The following METTL8 variants were observed in gnomAD, a reference collection of about 807,000 sequenced individuals.
The protein encoded by METTL8 is methyltransferase 8, tRNA N3-cytidine.
Under a neutral mutation model 48.7 loss-of-function variants are expected in METTL8, and 32 were observed. The ratio of observed to expected loss-of-function variants is 0.66; its 90% CI spans 0.50 to 0.88. The LOEUF is 0.88. Among genes scored for constraint, METTL8 ranks in the 40% least tolerant of loss-of-function variants. METTL8 has a pLI of 0.00. For missense variants in METTL8, 464 were observed against 474.4 expected (o/e 0.98, Z 0.20); for synonymous variants, 136 against 157.1 (o/e 0.87, Z 1.01).
intron 5 of METTL8, 41 bp from the exon 6 acceptor site, chr2:171,331,908 C>T: frequency 6.9e-7 from 1 of 1,458,072 alleles, no homozygotes. Flanking sequence ...TTTTTGGAGA[C>T]AGGGTCTTGC....
chr2:171,361,229 T>C (rs1685132449), intron 2 of METTL8, among the ~76,000 whole-genome samples: 1 of 149,472 alleles, frequency 6.7e-6, no homozygotes, highest in Non-Finnish European at 1.5e-5. Context: ...TAATTTTTTT[T>C]AAGTTTTGTT....
intron 2 of METTL8, among the ~76,000 whole-genome samples, chr2:171,386,744 G>A (rs1035204846): frequency 3.9e-5 from 6 of 152,150 alleles, no homozygotes; most frequent in Admixed American, 3.9e-4. Flanking sequence ...ATGAACCTAG[G>A]TGAGGACAGG....
At chr2:171,374,813 T>C in intron 2 of METTL8, 1 of 662,716 alleles carries the variant, frequency 1.5e-6, no homozygotes, top group Admixed American at 2.4e-5. Flanking sequence ...TTCATCCATG[T>C]TGTATATGTT....
Position 171,425,875 on chromosome 2 carries a change from G to C in METTL8, c.-13+8008C>G, listed in dbSNP as rs111272150. On this transcript the variant is annotated intron_variant, in intron 1 of 9. Coordinates refer to ENST00000375258, the MANE Select transcript of METTL8 (RefSeq NM_001321154.2). ...TTTCCTAGAAATAAAAAACCTGAAA[G>C]AGGCCAGGTGTGGTGGCTCACGCCT... Among the ~76,000 whole-genome samples the C allele has an allele frequency of 3.3e-3, 503 of 152,230 alleles. 1 individual carries two copies. The highest frequency in any genetic ancestry group is 0.011 in the African/African-American group (461 of 41,550).
chr2:171,356,002 T>G (rs1446463231), intron 3 of METTL8, among the ~76,000 whole-genome samples: 1 of 152,162 alleles, frequency 6.6e-6, no homozygotes, highest in Non-Finnish European at 1.5e-5. Context: ...CAAGCCCCAG[T>G]GAGATGAACC....
At chr2:171,428,807 A>G (rs1692677475) in intron 1 of METTL8, among the ~76,000 whole-genome samples, 1 of 152,196 alleles carries the variant, frequency 6.6e-6, no homozygotes, top group Non-Finnish European at 1.5e-5. Flanking sequence ...AGATCAACTG[A>G]TAAGAGGAGA....
chr2:171,347,265 A>G (rs1575783256), intron 3 of METTL8, among the ~76,000 whole-genome samples: 2 of 152,056 alleles, frequency 1.3e-5, no homozygotes, highest in Admixed American at 1.3e-4. Flanking sequence ...GGTATCATCA[A>G]CCCTCTCCTG....
At chr2:171,380,247 C>T (rs1223908292) in intron 2 of METTL8, among the ~76,000 whole-genome samples, 1 of 152,138 alleles carries the variant, frequency 6.6e-6, no homozygotes, top group Non-Finnish European at 1.5e-5. Flanking sequence ...TGGAACATAT[C>T]TCAAAATAAT....
chr2:171,332,539 C>G (rs2105401593), intron 5 of METTL8: 1 of 152,486 alleles, frequency 6.6e-6, no homozygotes, highest in South Asian at 2.1e-4. Flanking sequence ...ATGGCTGGAC[C>G]ATGGTTACTT....
Position 171,418,508 on chromosome 2 carries a change from G to GGGTGC in METTL8, c.-13+15374_-13+15375insGCACC, listed in dbSNP as rs1414376367. ...ATATTTGGAATTCTTTTGCATGGAC[G>GGGTGC]ATTTGTCTCTTCTCTCCCATTCATT... On this transcript the variant is annotated intron_variant, in intron 1 of 9. Coordinates refer to ENST00000375258, the MANE Select transcript of METTL8 (RefSeq NM_001321154.2). 1.4e-3 allele frequency among the ~76,000 whole-genome samples: 220 copies of GGGTGC among 152,222 alleles called. 3 individuals carry two copies. The East Asian group carries it at 0.016, about 11-fold the overall frequency.
chr2:171,396,562 G>A (rs189773464), intron 1 of METTL8, among the ~76,000 whole-genome samples: 8 of 152,080 alleles, frequency 5.3e-5, no homozygotes, highest in Admixed American at 5.2e-4. Context: ...TTTCTAATAG[G>A]CAGCATATTG....
At chr2:171,398,636 A>G (rs1689350413) in intron 1 of METTL8, among the ~76,000 whole-genome samples, 2 of 152,170 alleles carry the variant, frequency 1.3e-5, no homozygotes, top group South Asian at 4.1e-4. Flanking sequence ...CAATACGAGG[A>G]CTACAGTTAA....
intron 3 of METTL8, among the ~76,000 whole-genome samples, chr2:171,356,300 C>A (rs534834350): frequency 6.6e-6 from 1 of 152,082 alleles, no homozygotes; most frequent in African/African-American, 2.4e-5. Flanking sequence ...CCACCAGACC[C>A]GGCTAATTTT....
At position 171,339,540 on chromosome 2, in the gene METTL8, C is replaced by T; in HGVS notation, c.250G>A (p.Glu84Lys). 6.6e-7 allele frequency: 1 copy of T among 1,511,898 alleles called. No individual in the cohort carries two copies. 93.7% of individuals were successfully genotyped at this position (1,511,898 alleles called of 1,614,324 possible). ...AATGTGTCCCAGTATTTACTAGCTT[C>T]TCTCTCATACTTAACTAAAATAAAG... ...LLEEQVKYER[E>K]ASKYWDTFYK... The change falls in exon 4 of 10, where the codon GAA (glutamate) becomes AAA (lysine). Residue 84 changes from glutamate (E) to lysine (K), a missense_variant. By Grantham distance (56) the Glu-to-Lys change is moderately conservative. Transcript: ENST00000375258.
Position 171,339,426 on chromosome 2 carries a change from C to T in METTL8, c.364G>A (p.Glu122Lys), listed in dbSNP as rs1229764801. ...PEILPVDQKP[E>K]EKARESSWDH... ...CATGATGATTCTCTCGCCTTCTCTTCAGGTTTTTGATCAACTGGAAGAATT... is the reference window on the plus strand; with the variant it reads ...CATGATGATTCTCTCGCCTTCTCTTTAGGTTTTTGATCAACTGGAAGAATT... The change falls in exon 4 of 10, where the codon GAA becomes AAA. Residue 122 changes from glutamate (E) to lysine (K), a missense_variant. Coordinates refer to ENST00000375258, the MANE Select transcript of METTL8 (RefSeq NM_001321154.2). 1.2e-6 allele frequency: 2 copies of T among 1,613,522 alleles called. No individual in the cohort carries two copies. Among genetic ancestry groups the T allele is most frequent in the African/African-American group, 1.3e-5 (1 of 74,906 alleles).
intron 1 of METTL8, among the ~76,000 whole-genome samples, chr2:171,415,186 A>G (rs1309536388): frequency 6.6e-6 from 1 of 152,174 alleles, no homozygotes; most frequent in Non-Finnish European, 1.5e-5. Context: ...AAAGTCAGGT[A>G]CAAGATAGTA....
chr2:171,352,602 CT>C (rs1559092455), intron 3 of METTL8, among the ~76,000 whole-genome samples: 1 of 152,086 alleles, frequency 6.6e-6, no homozygotes, highest in African/African-American at 2.4e-5. Context: ...TGGTCCTGGA[CT>C]TTTTTTGGTT....
intron 1 of METTL8, among the ~76,000 whole-genome samples, chr2:171,423,005 G>A (rs926184458): frequency 6.6e-6 from 1 of 152,176 alleles, no homozygotes; most frequent in Non-Finnish European, 1.5e-5. Context: ...CACAGTGGGA[G>A]GTAATTGAAT....
intron 3 of METTL8, among the ~76,000 whole-genome samples, chr2:171,340,387 G>A (rs900693234): frequency 3.5e-5 from 5 of 142,720 alleles, no homozygotes; most frequent in Non-Finnish European, 6.1e-5. Flanking sequence ...CTGTAATCGC[G>A]GCTCCTCAGG....
Sources: allele counts gnomAD v4.1 joint callset (sites outside exome capture counted in the v4.1 genomes callset), GRCh38; gene constraint gnomAD v4.1.1; transcripts MANE v1.5; gene names NCBI Gene and HGNC (gene_info 2026-07-23, HGNC 2026-07-21).